The following EDA variants were observed in gnomAD, a reference collection of about 807,000 sequenced individuals.
EDA encodes ectodysplasin-A.
EDA carries 2 observed loss-of-function variants against 23.6 expected under a neutral mutation model. The ratio of observed to expected loss-of-function variants is 0.08; its 90% CI spans 0.03 to 0.27. The LOEUF is 0.27. Ranked by LOEUF, EDA falls within the 10% of genes least tolerant of loss-of-function variation. The probability of loss-of-function intolerance (pLI) is 1.00; values close to 1 mark genes in which losing one functional copy is unlikely to be tolerated. For synonymous variants in EDA, 131 were observed against 132.0 expected (o/e 0.99, Z 0.05); for missense variants, 229 against 324.2 (o/e 0.71, Z 2.26).
chrX:69,706,338 C>G (rs1358310288), intron 1 of EDA, among the ~76,000 whole-genome samples: 5 of 111,976 alleles, frequency 4.5e-5, no homozygotes, highest in African/African-American at 1.3e-4. Flanking sequence ...CTGAACTTCT[C>G]TAAACAACTT....
chrX:69,729,526 CT>C (rs778936427), intron 1 of EDA, among the ~76,000 whole-genome samples: 1 of 111,801 alleles, frequency 8.9e-6, no homozygotes, highest in Non-Finnish European at 1.9e-5. Context: ...GTATCAATAG[CT>C]TCCTAACTTA....
intron 3 of EDA, among the ~76,000 whole-genome samples, chrX:70,025,913 T>C (rs1235209929): frequency 9.0e-6 from 1 of 111,586 alleles, no homozygotes; most frequent in African/African-American, 3.3e-5. Flanking sequence ...GATGACCCCA[T>C]GGTTTCATTC....
chrX:70,035,243 T>A, intron 7 of EDA, 115 bp from the exon 8 acceptor site: 1 of 894,236 alleles, frequency 1.1e-6, no homozygotes, highest in Non-Finnish European at 1.6e-6. Context: ...CACTGCCCCA[T>A]CCATGGGGTA....
chrX:69,842,288 A>G (rs1313359582), intron 1 of EDA, among the ~76,000 whole-genome samples: 4 of 111,828 alleles, frequency 3.6e-5, no homozygotes, highest in Non-Finnish European at 7.5e-5. Context: ...ACTGTCTCCC[A>G]TCACCCCCAT....
At chrX:69,817,268 C>G (rs926991825) in intron 1 of EDA, among the ~76,000 whole-genome samples, 1 of 111,675 alleles carries the variant, frequency 9.0e-6, no homozygotes, top group Middle Eastern at 4.2e-3. Context: ...CAAAAACACA[C>G]TGAAGTACAC....
intron 1 of EDA, among the ~76,000 whole-genome samples, chrX:69,750,413 A>G (rs1453894050): frequency 9.1e-6 from 1 of 109,474 alleles, no homozygotes; most frequent in Admixed American, 9.8e-5. Context: ...TTCTTAATCC[A>G]GTCTATCATT....
chrX:69,708,550 T>A (rs1424733161), intron 1 of EDA, among the ~76,000 whole-genome samples: 1 of 111,432 alleles, frequency 9.0e-6, no homozygotes, highest in African/African-American at 3.3e-5. Context: ...ATAAAGTGAA[T>A]GAAGCTTAAA....
intron 1 of EDA, among the ~76,000 whole-genome samples, chrX:69,882,494 G>A (rs987771489): frequency 9.0e-6 from 1 of 111,665 alleles, no homozygotes; most frequent in African/African-American, 3.3e-5. Flanking sequence ...GTGCAAGTCA[G>A]GTGACTAGGT....
chrX:69,878,289 G>A (rs2017679796), intron 1 of EDA, among the ~76,000 whole-genome samples: 1 of 112,218 alleles, frequency 8.9e-6, no homozygotes, highest in Non-Finnish European at 1.9e-5. Flanking sequence ...TCCCAGTTCT[G>A]GCTCGCCAAG....
chrX:69,677,037 T>C (rs1225394038), intron 1 of EDA, among the ~76,000 whole-genome samples: 1 of 92,560 alleles, frequency 1.1e-5, no homozygotes, highest in Non-Finnish European at 2.1e-5. Flanking sequence ...GTCCATGTGT[T>C]CTCATTGTTC....
At chrX:69,966,607 T>C (rs1032388763) in intron 2 of EDA, among the ~76,000 whole-genome samples, 4 of 108,670 alleles carry the variant, frequency 3.7e-5, no homozygotes, top group African/African-American at 1.3e-4. Flanking sequence ...TTCTAGTATA[T>C]AGGTCATACA....
chrX:70,003,974 C>G (rs766562987), intron 2 of EDA, among the ~76,000 whole-genome samples: 40 of 111,784 alleles, frequency 3.6e-4, no homozygotes, highest in Middle Eastern at 4.6e-3. Flanking sequence ...GAGATTGTTA[C>G]CCTTAGGCCT....
At chrX:69,673,908 A>G (rs377549821) in intron 1 of EDA, among the ~76,000 whole-genome samples, 1 of 111,524 alleles carries the variant, frequency 9.0e-6, no homozygotes, top group African/African-American at 3.3e-5. Flanking sequence ...GGAATTTTCA[A>G]TCTCTGCCTC....
intron 1 of EDA, among the ~76,000 whole-genome samples, chrX:69,668,324 C>T (rs942812608): frequency 1.8e-5 from 2 of 111,744 alleles, no homozygotes; most frequent in Admixed American, 9.5e-5. Context: ...TAAAGTGACA[C>T]TAGATATGAT....
chrX:69,670,125 A>T, intron 1 of EDA: 1 of 305,822 alleles, frequency 3.3e-6, no homozygotes, highest in Non-Finnish European at 5.7e-6. Flanking sequence ...GTCTGGGAAA[A>T]ACTGTCTCCT....
chrX:69,682,766 A>C (rs1053420676), intron 1 of EDA, among the ~76,000 whole-genome samples: 1 of 111,333 alleles, frequency 9.0e-6, no homozygotes, highest in African/African-American at 3.3e-5. Context: ...ATGGAAACGC[A>C]GAAATCACCC....
chrX:69,681,832 A>C (rs1431153938), intron 1 of EDA, among the ~76,000 whole-genome samples: 2 of 111,789 alleles, frequency 1.8e-5, no homozygotes, highest in Non-Finnish European at 1.9e-5. Flanking sequence ...CGTCAAAGTC[A>C]TTCTCCGTCC....
chrX:69,710,314 C>A (rs759562331), intron 1 of EDA, among the ~76,000 whole-genome samples: 1 of 110,127 alleles, frequency 9.1e-6, no homozygotes, highest in Admixed American at 9.7e-5. Context: ...TGTAGATATG[C>A]GGCATTATTT....
chrX:69,811,066 T>C (rs1238151259), intron 1 of EDA, among the ~76,000 whole-genome samples: 1 of 111,926 alleles, frequency 8.9e-6, no homozygotes, highest in Non-Finnish European at 1.9e-5. Context: ...TAGTTAGCCA[T>C]CTGATTTTTG....
Sources: allele counts gnomAD v4.1 joint callset (sites outside exome capture counted in the v4.1 genomes callset), GRCh38; gene constraint gnomAD v4.1.1; transcripts MANE v1.5; gene names NCBI Gene and HGNC (gene_info 2026-07-23, HGNC 2026-07-21).